Variants in ST6GALNAC3 observed in about 807,000 individuals in gnomAD.
ST6GALNAC3 encodes the protein ST6 N-acetylgalactosaminide alpha-2,6-sialyltransferase 3.
A neutral mutation model predicts 32.7 loss-of-function variants in ST6GALNAC3; 25 were observed. The observed-to-expected ratio is 0.76, with a 90% CI of 0.56 to 1.07. The LOEUF (loss-of-function observed/expected upper bound fraction) is 1.07. ST6GALNAC3 is among the 50% of genes least tolerant of loss of function. ST6GALNAC3 has a pLI of 0.00. For missense variants in ST6GALNAC3, 355 were observed against 382.4 expected (o/e 0.93, Z 0.60); for synonymous variants, 129 against 133.1 (o/e 0.97, Z 0.21).
At chr1:76,364,785 C>A (rs1650237622) in intron 2 of ST6GALNAC3, among the ~76,000 whole-genome samples, 1 of 152,066 alleles carries the variant, frequency 6.6e-6, no homozygotes, top group Admixed American at 6.5e-5. Context: ...AATGAAATAT[C>A]ATTTCATACC....
At chr1:76,248,998 T>C (rs1657463947) in intron 1 of ST6GALNAC3, among the ~76,000 whole-genome samples, 2 of 152,212 alleles carry the variant, frequency 1.3e-5, no homozygotes, top group South Asian at 4.1e-4. Context: ...TGTTCCCCTC[T>C]TACTTTCTGA....
intron 2 of ST6GALNAC3, among the ~76,000 whole-genome samples, chr1:76,318,494 T>A (rs1232156053): frequency 6.6e-6 from 1 of 152,114 alleles, no homozygotes. Context: ...AACACGTGTT[T>A]AAGCTGATAG....
At chr1:76,303,422 G>A (rs1036829458) in intron 1 of ST6GALNAC3, among the ~76,000 whole-genome samples, 1 of 151,996 alleles carries the variant, frequency 6.6e-6, no homozygotes, top group Admixed American at 6.6e-5. Flanking sequence ...GGAAGTCAGC[G>A]TGAAACGGCC....
chr1:76,288,337 C>T (rs977245058), intron 1 of ST6GALNAC3, among the ~76,000 whole-genome samples: 1 of 152,168 alleles, frequency 6.6e-6, no homozygotes, highest in African/African-American at 2.4e-5. Context: ...AAAATAATGG[C>T]TCCCCCACCA....
At chr1:76,479,451 A>G (rs1659582168) in intron 3 of ST6GALNAC3, among the ~76,000 whole-genome samples, 1 of 152,196 alleles carries the variant, frequency 6.6e-6, no homozygotes, top group African/African-American at 2.4e-5. Context: ...TGATGAACAG[A>G]AATATATTTG....
chr1:76,227,489 A>G (rs1315591964), intron 1 of ST6GALNAC3, among the ~76,000 whole-genome samples: 9 of 152,188 alleles, frequency 5.9e-5, no homozygotes, highest in Admixed American at 5.2e-4. Flanking sequence ...TTTATCACCA[A>G]CTTGGTGCCT....
chr1:76,302,085 A>G (rs904211646), intron 1 of ST6GALNAC3, among the ~76,000 whole-genome samples: 12 of 152,130 alleles, frequency 7.9e-5, no homozygotes, highest in Middle Eastern at 3.4e-3. Flanking sequence ...CAACGGTGAC[A>G]ACAATGATAC....
At chr1:76,252,958 G>T (rs974167558) in intron 1 of ST6GALNAC3, among the ~76,000 whole-genome samples, 1 of 152,018 alleles carries the variant, frequency 6.6e-6, no homozygotes, top group African/African-American at 2.4e-5. Context: ...TTCTCTTTTT[G>T]ATTAGAATGC....
At chr1:76,539,733 T>C (rs911166815) in intron 3 of ST6GALNAC3, among the ~76,000 whole-genome samples, 14 of 151,960 alleles carry the variant, frequency 9.2e-5, no homozygotes, top group African/African-American at 3.4e-4. Context: ...AAGACATTTA[T>C]GCAGCCAACA....
chr1:76,499,427 G>T (rs968282192), intron 3 of ST6GALNAC3, among the ~76,000 whole-genome samples: 1 of 152,102 alleles, frequency 6.6e-6, no homozygotes, highest in Non-Finnish European at 1.5e-5. Flanking sequence ...AAATCAGAAG[G>T]CTTCCTCTCT....
intron 1 of ST6GALNAC3, among the ~76,000 whole-genome samples, chr1:76,312,975 A>G (rs1385433471): frequency 1.3e-5 from 2 of 152,090 alleles, no homozygotes; most frequent in Non-Finnish European, 2.9e-5. Context: ...TCTCTTCTCA[A>G]TCGGATGCAG....
intron 3 of ST6GALNAC3, among the ~76,000 whole-genome samples, chr1:76,414,350 C>A (rs984923942): frequency 1.3e-5 from 2 of 151,962 alleles, no homozygotes; most frequent in Non-Finnish European, 2.9e-5. Flanking sequence ...ACTTAGTACT[C>A]CAACCAGACA....
chr1:76,442,810 G>A (rs1656709666), intron 3 of ST6GALNAC3, among the ~76,000 whole-genome samples: 1 of 152,150 alleles, frequency 6.6e-6, no homozygotes, highest in Admixed American at 6.5e-5. Flanking sequence ...TATGTATTTT[G>A]TAATGGAATT....
At chr1:76,204,518 G>A (rs566307893) in intron 1 of ST6GALNAC3, among the ~76,000 whole-genome samples, 1 of 152,264 alleles carries the variant, frequency 6.6e-6, no homozygotes, top group East Asian at 1.9e-4. Context: ...GTACTCTGAT[G>A]GTAGAAAGAG....
chr1:76,367,745 A>G (rs1431323218), intron 2 of ST6GALNAC3, among the ~76,000 whole-genome samples: 1 of 152,092 alleles, frequency 6.6e-6, no homozygotes, highest in Non-Finnish European at 1.5e-5. Context: ...CAGTATGTGT[A>G]TTCCGTGTGT....
intron 3 of ST6GALNAC3, among the ~76,000 whole-genome samples, chr1:76,619,483 A>G (rs571134820): frequency 6.6e-6 from 1 of 152,172 alleles, no homozygotes; most frequent in East Asian, 1.9e-4. Context: ...TAATTGTTTT[A>G]TTCTTAGTCA....
At chr1:76,319,722 A>G (rs1326859106) in intron 2 of ST6GALNAC3, among the ~76,000 whole-genome samples, 1 of 152,226 alleles carries the variant, frequency 6.6e-6, no homozygotes, top group Non-Finnish European at 1.5e-5. Flanking sequence ...TTATGTAATC[A>G]TAAAGCAAAA....
intron 3 of ST6GALNAC3, among the ~76,000 whole-genome samples, chr1:76,447,205 C>T (rs375572964): frequency 2.0e-5 from 3 of 152,282 alleles, no homozygotes; most frequent in East Asian, 3.9e-4. Context: ...ACAAAGGTAA[C>T]TCTTGTTACA....
chr1:76,556,527 A>G (rs1053346520), intron 3 of ST6GALNAC3, among the ~76,000 whole-genome samples: 4 of 152,046 alleles, frequency 2.6e-5, no homozygotes, highest in Admixed American at 1.3e-4. Flanking sequence ...TGATTTCTCC[A>G]TATCTTAGCC....
Sources: gnomAD v4.1 joint callset for allele counts (sites outside exome capture counted in the v4.1 genomes callset) on GRCh38, gnomAD v4.1.1 for gene constraint, MANE v1.5 for transcripts, NCBI Gene and HGNC (gene_info 2026-07-23, HGNC 2026-07-21) for gene names.